Variants in PPL observed in about 807,000 individuals in gnomAD.
PPL encodes periplakin.
A neutral mutation model predicts 194.4 loss-of-function variants in PPL; 198 were observed. The observed-to-expected ratio is 1.02, with a 90% CI of 0.91 to 1.15. The LOEUF (loss-of-function observed/expected upper bound fraction) is 1.15. Ranked by LOEUF, PPL falls within the 50% of genes most tolerant of loss-of-function variation. PPL has a pLI of 0.00. For synonymous variants in PPL, 1,220 were observed against 972.4 expected (o/e 1.25, Z -4.74); for missense variants, 2,885 against 2,294.8 (o/e 1.26, Z -5.25).
At chr16:4,905,278 G>A (rs948564907) in intron 2 of PPL, among the ~76,000 whole-genome samples, 9 of 152,214 alleles carry the variant, frequency 5.9e-5, no homozygotes, top group Admixed American at 3.9e-4. Flanking sequence ...CAGGAACTAC[G>A]GACCGTGCTC....
intron 1 of PPL, among the ~76,000 whole-genome samples, chr16:4,931,604 C>CTGATGCAA (rs1484355187): frequency 2.9e-4 from 44 of 152,276 alleles, no homozygotes; most frequent in African/African-American, 1.0e-3. Context: ...AAGGTGGTGC[C>CTGATGCAA]GGTAACACCG....
intron 1 of PPL, among the ~76,000 whole-genome samples, chr16:4,916,714 C>T (rs2088924133): frequency 6.6e-6 from 1 of 151,822 alleles, no homozygotes; most frequent in Admixed American, 6.6e-5. Flanking sequence ...CATGTTGCCC[C>T]AGCTGGTCTT....
At chr16:4,907,079 T>TTAA (rs2088702440) in intron 2 of PPL, among the ~76,000 whole-genome samples, 1 of 76,990 alleles carries the variant, frequency 1.3e-5, no homozygotes, top group Non-Finnish European at 2.3e-5. Flanking sequence ...ACCCTATCTC[T>TTAA]AAAAAAAAAA....
rs917942869 is a variant in PPL, at chr16:4,916,450, G to A, written c.63-5501C>T. 2.0e-5 allele frequency among the ~76,000 whole-genome samples: 3 copies of A among 151,586 alleles called. No homozygotes were observed. The East Asian group carries it at 5.9e-4, about 30-fold the overall frequency. ...TGGTCTCGAACTCCTGACCTCAGGT[G>A]ATGCACTTGCCTTGGCCTCCCAAAG... On this transcript the variant is annotated intron_variant, in intron 1 of 21. Transcript: ENST00000345988.
intron 1 of PPL, among the ~76,000 whole-genome samples, chr16:4,934,920 G>C (rs1314705509): frequency 6.6e-6 from 1 of 152,174 alleles, no homozygotes; most frequent in Admixed American, 6.5e-5. Flanking sequence ...CACCCGGGGA[G>C]GCATCTGACA....
At chr16:4,936,589 C>T (rs1212801336) in intron 1 of PPL, among the ~76,000 whole-genome samples, 1 of 152,204 alleles carries the variant, frequency 6.6e-6, no homozygotes, top group African/African-American at 2.4e-5. Flanking sequence ...CTTGAGTGCC[C>T]GGTCCTCCAA....
chr16:4,910,787 C>T, intron 2 of PPL, 63 bp downstream of exon 2: 1 of 1,378,002 alleles, frequency 7.3e-7, no homozygotes, highest in Non-Finnish European at 1.0e-6. Context: ...CAAACAGATC[C>T]TGGTCCTGAA....
intron 1 of PPL, among the ~76,000 whole-genome samples, chr16:4,934,061 T>C (rs1457367772): frequency 2.0e-5 from 3 of 152,224 alleles, no homozygotes; most frequent in African/African-American, 4.8e-5. Flanking sequence ...GCAGCTCCTC[T>C]GAGGTCGCAC....
At chr16:4,886,635 C>G (rs1419147832) in intron 21 of PPL, among the ~76,000 whole-genome samples, 1 of 152,100 alleles carries the variant, frequency 6.6e-6, no homozygotes, top group African/African-American at 2.4e-5. Flanking sequence ...TTCTTTTTTT[C>G]TGAGACAGAG....
chr16:4,895,747 G>A (rs1351650394), intron 9 of PPL, 31 bp from the exon 10 acceptor site: 9 of 1,613,392 alleles, frequency 5.6e-6, no homozygotes, highest in Non-Finnish European at 5.9e-6. Flanking sequence ...GTTACAGCCA[G>A]GAAACCACTA....
rs569389932 is a variant in PPL, at chr16:4,911,835, G to A, written c.63-886C>T. ...TTACAGATGTCAGCCACCAGGCCCCGACTACATATTTTTTTGTGAGAGATA... is the reference window on the plus strand; with the variant it reads ...TTACAGATGTCAGCCACCAGGCCCCAACTACATATTTTTTTGTGAGAGATA... On this transcript the variant is annotated intron_variant, in intron 1 of 21. Coordinates refer to ENST00000345988, the MANE Select transcript of PPL (RefSeq NM_002705.5). Among the ~76,000 whole-genome samples the A allele has an allele frequency of 2.6e-5, 4 of 152,006 alleles. No homozygotes were observed. The South Asian group carries it at 6.2e-4, about 24-fold the overall frequency.
Position 4,885,489 on chromosome 16 carries a change from C to T in PPL, c.3166G>A (p.Glu1056Lys), listed in dbSNP as rs750955950. 84 of 1,612,088 alleles carry T rather than the reference C, an allele frequency of 5.2e-5. No individual in the cohort carries two copies. The highest frequency in any genetic ancestry group is 6.9e-5 in the Non-Finnish European group (82 of 1,179,988). ...SRAQEKVTEK[E>K]VVKLQNDPQL... is the part of the protein sequence containing the mutation. ...GGGTCATTCTGCAGTTTCACCACCT[C>T]TTTCTCTGTGACCTTCTCCTGCGCC... The change falls in exon 22 of 22, where the codon GAG becomes AAG. Residue 1056 changes from glutamate (E) to lysine (K), a missense_variant. By Grantham distance (56) the Glu-to-Lys change is moderately conservative (BLOSUM62 1). Transcript: ENST00000345988. The surrounding 1 kb of genome is among the most constrained non-coding windows in gnomAD (Gnocchi z 6.3).
intron 14 of PPL, chr16:4,892,698 C>G (rs1307661529): frequency 6.1e-6 from 1 of 162,878 alleles, no homozygotes; most frequent in Non-Finnish European, 1.3e-5. Flanking sequence ...AGATCCTCTT[C>G]TGTAAAATTG....
chr16:4,890,367 A>G (rs1339021174), intron 17 of PPL, 33 bp from the exon 18 acceptor site: 3 of 1,559,618 alleles, frequency 1.9e-6, no homozygotes, highest in Admixed American at 4.0e-5. Context: ...CCTCAGCCAC[A>G]GCAAACAGAT....
chr16:4,884,493 C>G lies in PPL; in HGVS notation c.4162G>C (p.Glu1388Gln), dbSNP rs370628105. Residue 1388 changes from glutamate to glutamine, a missense_variant, in exon 22 of 22, where the codon GAG becomes CAG. Physicochemically the swap from Glu to Gln is conservative, Grantham distance 29 (BLOSUM62 2). Coordinates refer to ENST00000345988, the MANE Select transcript of PPL (RefSeq NM_002705.5). This position sits in a 1 kb window ranked among gnomAD's most constrained non-coding sequence, Gnocchi z 5.7. The stretch of plus-strand genomic sequence containing the variant: ...CGCCGGCGCTGCAGCCGCCGCAGCT[C>G]TGCCCGCAGCTTGTCAATCTGCCGC... ...ELRQIDKLRA[E>Q]LRRLQRRRTE... The G allele has an allele frequency of 6.8e-6, 11 of 1,607,394 alleles. No individual in the cohort carries two copies. The highest frequency in any genetic ancestry group is 1.1e-5 in the South Asian group (1 of 90,814).
intron 1 of PPL, among the ~76,000 whole-genome samples, chr16:4,934,116 G>C (rs1439255222): frequency 1.3e-5 from 2 of 152,204 alleles, no homozygotes; most frequent in Non-Finnish European, 2.9e-5. Context: ...CTCTCTACTA[G>C]GCTGGAGGCT....
chr16:4,894,504 G>C lies in PPL; in HGVS notation c.1357C>G (p.Pro453Ala). Residue 453 changes from proline to alanine, a missense_variant, in exon 12 of 22, where the codon CCC (proline) becomes GCC (alanine). By Grantham distance (27) the Pro-to-Ala change is conservative. Coordinates refer to ENST00000345988, the MANE Select transcript of PPL (RefSeq NM_002705.5). ...GCCAGGGCCTCAGGGTCTGTGGGGGGGATCACAAAACACACGGCCGGAGCA... is the reference window on the plus strand; with the variant it reads ...GCCAGGGCCTCAGGGTCTGTGGGGGCGATCACAAAACACACGGCCGGAGCA... ...LIAPAVCFVI[P>A]PTDPEALALA... The C allele has an allele frequency of 6.2e-7, 1 of 1,613,952 alleles. No individual in the cohort carries two copies. The highest frequency in any genetic ancestry group is 2.2e-5 in the East Asian group (1 of 44,872).
intron 1 of PPL, among the ~76,000 whole-genome samples, chr16:4,911,416 C>T (rs1451025858): frequency 1.3e-5 from 2 of 152,018 alleles, no homozygotes; most frequent in African/African-American, 4.8e-5. Flanking sequence ...CCTATCTTGG[C>T]CTCCCAAAGT....
At chr16:4,934,184 C>T (rs986871072) in intron 1 of PPL, among the ~76,000 whole-genome samples, 4 of 152,204 alleles carry the variant, frequency 2.6e-5, no homozygotes, top group African/African-American at 9.7e-5. Context: ...GTGTGAACAT[C>T]AACTCCCACA....
Sources: allele counts gnomAD v4.1 joint callset (sites outside exome capture counted in the v4.1 genomes callset), GRCh38; gene constraint gnomAD v4.1.1; non-coding constraint Gnocchi (gnomAD v3.1); transcripts MANE v1.5; gene names NCBI Gene and HGNC (gene_info 2026-07-23, HGNC 2026-07-21).